Variants in EXOC4 observed in about 807,000 individuals in gnomAD.
The protein encoded by EXOC4 is SEC8-like 1.
Under a neutral mutation model 107.2 loss-of-function variants are expected in EXOC4, and 71 were observed. That is an observed-to-expected ratio of 0.66 (90% CI 0.55 to 0.81). The LOEUF (loss-of-function observed/expected upper bound fraction) is 0.81, where lower values mean the gene tolerates loss of function less well. EXOC4 is among the 30% of genes least tolerant of loss of function. The pLI is 0.00. For missense variants in EXOC4, 1,108 were observed against 1,189.6 expected, an observed-to-expected ratio of 0.93 and a Z score of 1.01; for synonymous variants, 456 against 441.2, an observed-to-expected ratio of 1.03 and a Z score of -0.42.
chr7:133,319,838 C>CT (rs35274622), intron 5 of EXOC4, among the ~76,000 whole-genome samples: 19,632 of 94,934 alleles, frequency 0.21, 2,185 homozygotes, highest in African/African-American at 0.25. Flanking sequence ...TGATCGTGTG[C>CT]TTTTTTTTTT....
At chr7:133,284,128 T>C (rs1157699416) in intron 2 of EXOC4, among the ~76,000 whole-genome samples, 4 of 152,186 alleles carry the variant, frequency 2.6e-5, no homozygotes, top group African/African-American at 4.8e-5. Context: ...CAAATTCTAT[T>C]TCGCTTTTCC....
At chr7:133,758,778 T>G (rs1185664443) in intron 10 of EXOC4, among the ~76,000 whole-genome samples, 1 of 152,242 alleles carries the variant, frequency 6.6e-6, no homozygotes, top group Admixed American at 6.5e-5. Flanking sequence ...GATGATTCTT[T>G]ATTAATCTTT....
intron 7 of EXOC4, among the ~76,000 whole-genome samples, chr7:133,443,974 C>A (rs1798161749): frequency 6.6e-6 from 1 of 152,144 alleles, no homozygotes; most frequent in Admixed American, 6.5e-5. Context: ...ACCGCAGGAA[C>A]TATGTAGTTC....
chr7:133,994,188 C>G (rs1794327524), intron 14 of EXOC4, among the ~76,000 whole-genome samples: 1 of 152,210 alleles, frequency 6.6e-6, no homozygotes, highest in Non-Finnish European at 1.5e-5. Context: ...CTGTTCAACT[C>G]CCACTTATGA....
chr7:133,717,315 G>A (rs1321540429), intron 10 of EXOC4, among the ~76,000 whole-genome samples: 7 of 152,162 alleles, frequency 4.6e-5, no homozygotes, highest in South Asian at 2.1e-4. Context: ...TATTAGGTTA[G>A]TATTATTCAT....
At chr7:133,499,292 C>T (rs1438391023) in intron 9 of EXOC4, among the ~76,000 whole-genome samples, 1 of 152,032 alleles carries the variant, frequency 6.6e-6, no homozygotes, top group African/African-American at 2.4e-5. Flanking sequence ...ATACCAATCA[C>T]TGGTATAGTA....
chr7:133,433,961 A>G (rs1388378640), intron 7 of EXOC4, among the ~76,000 whole-genome samples: 1 of 152,206 alleles, frequency 6.6e-6, no homozygotes, highest in Non-Finnish European at 1.5e-5. Flanking sequence ...CCTTAGTGGT[A>G]CAAAGGGCAG....
intron 9 of EXOC4, among the ~76,000 whole-genome samples, chr7:133,502,917 G>A (rs952719297): frequency 3.3e-5 from 5 of 152,124 alleles, no homozygotes; most frequent in Non-Finnish European, 7.4e-5. Flanking sequence ...TAGATTCTAA[G>A]ATTTTTAAGA....
At chr7:134,089,134 A>G in the EXOC4 span, among the ~76,000 whole-genome samples, 548 of 152,310 alleles carry the variant, frequency 3.6e-3, 2 homozygotes, top group Non-Finnish European at 3.7e-3. Flanking sequence ...ATTTACAGAA[A>G]AACTGAGTAA....
intron 7 of EXOC4, among the ~76,000 whole-genome samples, chr7:133,454,892 A>G (rs1798428557): frequency 6.6e-6 from 1 of 152,122 alleles, no homozygotes; most frequent in Non-Finnish European, 1.5e-5. Context: ...TGAGCTCTGG[A>G]GTTCAAGACA....
At chr7:133,910,190 G>A (rs147374557) in intron 12 of EXOC4, among the ~76,000 whole-genome samples, 2,358 of 152,260 alleles carry the variant, frequency 0.015, 59 homozygotes, top group African/African-American at 0.053. Context: ...CCAAAGTGCT[G>A]GGATTACAGG....
chr7:133,576,348 A>T (rs1563113549), intron 9 of EXOC4: 3 of 583,532 alleles, frequency 5.1e-6, no homozygotes, highest in Non-Finnish European at 7.7e-6. Flanking sequence ...GGCAGATCAC[A>T]CCTTAAGAAA....
intron 12 of EXOC4, among the ~76,000 whole-genome samples, chr7:133,901,331 G>A (rs890061057): frequency 6.6e-6 from 1 of 152,086 alleles, no homozygotes; most frequent in Non-Finnish European, 1.5e-5. Context: ...ATGTCCAACA[G>A]CATAAGACTA....
chr7:133,463,391 G>A (rs989313771), intron 7 of EXOC4, among the ~76,000 whole-genome samples: 3 of 152,144 alleles, frequency 2.0e-5, no homozygotes, highest in African/African-American at 7.2e-5. Context: ...CTAAACATCT[G>A]CTGCATTGTT....
chr7:133,782,648 CTCT>C (rs1228425835), intron 10 of EXOC4, among the ~76,000 whole-genome samples: 1 of 152,192 alleles, frequency 6.6e-6, no homozygotes. Flanking sequence ...GCAAATCACA[CTCT>C]TAACAGGTCC....
intron 7 of EXOC4, among the ~76,000 whole-genome samples, chr7:133,403,340 T>C (rs775988077): frequency 6.6e-6 from 1 of 152,220 alleles, no homozygotes; most frequent in African/African-American, 2.4e-5. Flanking sequence ...ACTGTAGTCA[T>C]GACTCCTGTC....
chr7:133,498,724 A>C (rs1422437195), intron 9 of EXOC4, among the ~76,000 whole-genome samples: 2 of 152,230 alleles, frequency 1.3e-5, no homozygotes, highest in Admixed American at 6.5e-5. Flanking sequence ...GAGTGAGTTA[A>C]AGGTATTTAA....
chr7:133,277,768 A>T (rs1039215267), intron 2 of EXOC4, among the ~76,000 whole-genome samples: 9 of 152,186 alleles, frequency 5.9e-5, no homozygotes, highest in African/African-American at 2.2e-4. Flanking sequence ...GGAAAATAAA[A>T]GGGGGGAGAA....
chr7:133,795,984 T>C (rs1796805781), intron 10 of EXOC4, among the ~76,000 whole-genome samples: 1 of 152,230 alleles, frequency 6.6e-6, no homozygotes, highest in South Asian at 2.1e-4. Flanking sequence ...CTATGGTAGA[T>C]ACAGTTGAGA....
Sources: allele counts gnomAD v4.1 joint callset (sites outside exome capture counted in the v4.1 genomes callset), GRCh38; gene constraint gnomAD v4.1.1; transcripts MANE v1.5; gene names NCBI Gene and HGNC (gene_info 2026-07-23, HGNC 2026-07-21).